The following PRKAG2 variants were observed in gnomAD, a reference collection of about 807,000 sequenced individuals.
PRKAG2 encodes the protein 5'-AMP-activated protein kinase subunit gamma-2.
PRKAG2 carries 26 observed loss-of-function variants against 69.6 expected under a neutral mutation model. The observed-to-expected ratio is 0.37, with a 90% confidence interval of 0.27 to 0.52. The LOEUF (loss-of-function observed/expected upper bound fraction) is 0.52. Among genes scored for constraint, PRKAG2 ranks in the 20% least tolerant of loss-of-function variants. The pLI is 0.90. For synonymous variants in PRKAG2, 293 were observed against 285.0 expected, an observed-to-expected ratio of 1.03 and a Z score of -0.28; for missense variants, 557 against 740.0, an observed-to-expected ratio of 0.75 and a Z score of 2.87.
chr7:151,854,251 T>C (rs1335906191), intron 1 of PRKAG2, among the ~76,000 whole-genome samples: 1 of 152,284 alleles, frequency 6.6e-6, no homozygotes, highest in Non-Finnish European at 1.5e-5. Flanking sequence ...AGAGTATCTA[T>C]GCATCTCTAT....
At chr7:151,657,920 G>A (rs1040585747) in intron 4 of PRKAG2, among the ~76,000 whole-genome samples, 1 of 152,238 alleles carries the variant, frequency 6.6e-6, no homozygotes, top group Non-Finnish European at 1.5e-5. Context: ...CACTTTGGGA[G>A]GCCAAGGCGG....
At chr7:151,711,599 T>C (rs1254617817) in intron 3 of PRKAG2, among the ~76,000 whole-genome samples, 1 of 152,246 alleles carries the variant, frequency 6.6e-6, no homozygotes, top group Non-Finnish European at 1.5e-5. Flanking sequence ...TTTAAATCTA[T>C]TGCTTCCTTT....
In PRKAG2 at chr7:151,564,058, G is replaced by A. The variant is rs1450315040; in HGVS notation, c.1584+20C>T. ...GTTGCAGTGGACGTCGGGGGAGCAG[G>A]ACTGGGAAAGCCGTCTCACCTCAGC... is the stretch of plus-strand genomic sequence containing the variant. On this transcript the variant is annotated intron_variant, in intron 14 of 15. Coordinates refer to ENST00000287878, the MANE Select transcript of PRKAG2 (RefSeq NM_016203.4). The A allele has an allele frequency of 6.2e-7, 1 of 1,613,828 alleles. No homozygotes were observed. Among genetic ancestry groups the A allele is most frequent in the African/African-American group, 1.3e-5 (1 of 75,018 alleles).
chr7:151,596,605 T>G (rs1814591972), intron 5 of PRKAG2, among the ~76,000 whole-genome samples: 1 of 152,020 alleles, frequency 6.6e-6, no homozygotes, highest in East Asian at 1.9e-4. Flanking sequence ...AAAAATTAGC[T>G]GGGCATGGTG....
chr7:151,706,128 T>C (rs940407336), intron 3 of PRKAG2, among the ~76,000 whole-genome samples: 9 of 152,164 alleles, frequency 5.9e-5, no homozygotes, highest in Non-Finnish European at 1.2e-4. Context: ...GCACAGCAGA[T>C]ATGCAGCACA....
At chr7:151,721,812 A>G (rs1797164995) in intron 3 of PRKAG2, among the ~76,000 whole-genome samples, 1 of 152,128 alleles carries the variant, frequency 6.6e-6, no homozygotes, top group Non-Finnish European at 1.5e-5. Context: ...TGGCCTTACC[A>G]TTCCTCTCTG....
intron 1 of PRKAG2, among the ~76,000 whole-genome samples, chr7:151,838,303 C>T (rs1429186219): frequency 3.9e-5 from 6 of 151,980 alleles, no homozygotes; most frequent in African/African-American, 9.7e-5. Flanking sequence ...ACTTGGACAC[C>T]CTCGACCCTG....
intron 3 of PRKAG2, among the ~76,000 whole-genome samples, chr7:151,702,506 C>T (rs1479707893): frequency 1.3e-5 from 2 of 152,224 alleles, no homozygotes; most frequent in Non-Finnish European, 2.9e-5. Flanking sequence ...CCCTGCCCAC[C>T]CGCTTGCCTT....
intron 3 of PRKAG2, among the ~76,000 whole-genome samples, chr7:151,728,393 C>T (rs1216765560): frequency 6.6e-6 from 1 of 152,130 alleles, no homozygotes; most frequent in African/African-American, 2.4e-5. Context: ...TCCTTGGGTG[C>T]CAAGGCTCCC....
intron 6 of PRKAG2, among the ~76,000 whole-genome samples, chr7:151,587,457 T>A (rs769151466): frequency 6.6e-6 from 1 of 152,076 alleles, no homozygotes; most frequent in Non-Finnish European, 1.5e-5. Context: ...TTCTTGGGAC[T>A]ATGGCATGGA....
intron 4 of PRKAG2, among the ~76,000 whole-genome samples, chr7:151,672,260 C>T (rs531098472): frequency 6.6e-6 from 1 of 152,062 alleles, no homozygotes; most frequent in Non-Finnish European, 1.5e-5. Context: ...TGCCATCACG[C>T]CCGGGTAATT....
At chr7:151,716,644 A>G (rs1796234108) in intron 3 of PRKAG2, among the ~76,000 whole-genome samples, 1 of 152,092 alleles carries the variant, frequency 6.6e-6, no homozygotes, top group African/African-American at 2.4e-5. Flanking sequence ...GTAGAGGTGG[A>G]AACTGAGGCT....
intron 3 of PRKAG2, among the ~76,000 whole-genome samples, chr7:151,724,879 C>T (rs568129592): frequency 2.6e-5 from 4 of 152,262 alleles, no homozygotes; most frequent in Admixed American, 6.5e-5. Context: ...TCAGAAACTC[C>T]GACAGTGGGG....
intron 3 of PRKAG2, among the ~76,000 whole-genome samples, chr7:151,736,698 C>A (rs560340852): frequency 2.0e-5 from 3 of 152,204 alleles, no homozygotes; most frequent in Non-Finnish European, 2.9e-5. Flanking sequence ...CCCTGGCTCA[C>A]GGTTCCACTC....
At chr7:151,635,863 TA>T (rs1396489398) in intron 4 of PRKAG2, among the ~76,000 whole-genome samples, 2 of 147,816 alleles carry the variant, frequency 1.4e-5, no homozygotes, top group African/African-American at 5.1e-5. Flanking sequence ...GAAATGACAA[TA>T]AATTTTTTTT....
rs535773452 is a variant in PRKAG2 at position 151,638,620 on chromosome 7, G to A, written c.685-6482C>T. Among the ~76,000 whole-genome samples, 1 of 151,740 alleles carries A rather than the reference G, an allele frequency of 6.6e-6. No homozygotes were observed. Among genetic ancestry groups the A allele is most frequent in the Non-Finnish European group, 1.5e-5 (1 of 67,992 alleles). On this transcript the variant is annotated intron_variant, in intron 4 of 15. Coordinates refer to ENST00000287878, the MANE Select transcript of PRKAG2 (RefSeq NM_016203.4). The surrounding 1 kb of genome is among the most constrained non-coding windows in gnomAD (Gnocchi z 4.3). ...CTGCACTCCAGCTTGGCGACAGAGTGAGACTCTGTCTCAAAAAAAAAAGCT... is the reference window on the plus strand; with the variant it reads ...CTGCACTCCAGCTTGGCGACAGAGTAAGACTCTGTCTCAAAAAAAAAAGCT...
At chr7:151,682,310 G>A (rs781146754) in intron 3 of PRKAG2, among the ~76,000 whole-genome samples, 38 of 151,902 alleles carry the variant, frequency 2.5e-4, no homozygotes, top group African/African-American at 6.8e-4. Context: ...GTATGATCAC[G>A]GCTCACTGCA....
At position 151,582,869 on chromosome 7, in the gene PRKAG2, G is replaced by T. The variant is rs764308862; in HGVS notation, c.865-6417C>A. On this transcript the variant is annotated intron_variant, in intron 6 of 15. Coordinates refer to ENST00000287878, the MANE Select transcript of PRKAG2 (RefSeq NM_016203.4). ...CCTCAACATGCTGTTATAAAATGGG[G>T]CTAATGGATATTTCCTCACAGGTGT... Among the ~76,000 whole-genome samples the T allele has an allele frequency of 3.9e-5, 6 of 152,206 alleles. No individual in the cohort carries two copies. In the East Asian group the frequency reaches 7.7e-4, roughly 20 times the overall value.
In PRKAG2 at chr7:151,638,940, C is replaced by G. The variant is rs945325761; in HGVS notation, c.685-6802G>C. 6.6e-4 allele frequency among the ~76,000 whole-genome samples: 101 copies of G among 152,334 alleles called. No homozygotes were observed. Among genetic ancestry groups the G allele is most frequent in the African/African-American group, 2.3e-3 (97 of 41,574 alleles). On this transcript the variant is annotated intron_variant, in intron 4 of 15. Transcript: ENST00000287878. The surrounding 1 kb of genome is among the most constrained non-coding windows in gnomAD (Gnocchi z 4.3). Reference sequence around the variant, plus strand: ...ATCCTGCTGTCTTCCTTGAGCTCCACTCTGCTCTGCAAGGGCGTCCTCCAA... The same window carrying G: ...ATCCTGCTGTCTTCCTTGAGCTCCAGTCTGCTCTGCAAGGGCGTCCTCCAA...
Sources: allele counts gnomAD v4.1 joint callset (sites outside exome capture counted in the v4.1 genomes callset), GRCh38; gene constraint gnomAD v4.1.1; non-coding constraint Gnocchi (gnomAD v3.1); transcripts MANE v1.5; gene names NCBI Gene and HGNC (gene_info 2026-07-23, HGNC 2026-07-21).